KLF3: variants seen among roughly 807,000 people sequenced by gnomAD.
KLF3 encodes the protein Krueppel-like factor 3.
Under a neutral mutation model 32.7 loss-of-function variants are expected in KLF3, and 6 were observed. The observed-to-expected ratio is 0.18, with a 90% CI of 0.10 to 0.36. The LOEUF (loss-of-function observed/expected upper bound fraction) is 0.36, where lower values mean the gene tolerates loss of function less well. KLF3 is among the 10% of genes least tolerant of loss of function. The pLI, the probability that KLF3 is intolerant of heterozygous loss-of-function variation, is 1.00. For synonymous variants in KLF3, 145 were observed against 172.8 expected, an observed-to-expected ratio of 0.84 and a Z score of 1.26; for missense variants, 338 against 449.7, an observed-to-expected ratio of 0.75 and a Z score of 2.25.
At chr4:38,664,608 G>T (rs1721944673) in intron 1 of KLF3, 147 bp downstream of exon 1, 1 of 151,978 alleles carries the variant, frequency 6.6e-6, no homozygotes. Flanking sequence ...GCGCCTGCGG[G>T]CTTGGGAAAG....
chr4:38,686,165 C>G (rs1260047486), intron 2 of KLF3, among the ~76,000 whole-genome samples: 2 of 152,012 alleles, frequency 1.3e-5, no homozygotes, highest in African/African-American at 4.8e-5. Context: ...TGAAAACTGG[C>G]TGCGCGTGGT....
At chr4:38,668,465 C>T (rs539336464) in intron 1 of KLF3, among the ~76,000 whole-genome samples, 1 of 151,958 alleles carries the variant, frequency 6.6e-6, no homozygotes, top group African/African-American at 2.4e-5. Flanking sequence ...TCACATTCCA[C>T]CACATTCTTT....
intron 2 of KLF3, among the ~76,000 whole-genome samples, chr4:38,684,784 G>A (rs10019144): frequency 0.18 from 27,122 of 151,886 alleles, 2,521 homozygotes; most frequent in Non-Finnish European, 0.21. Flanking sequence ...TCAAACTCTC[G>A]GCCTTAAGAT....
chr4:38,678,261 T>C (rs1471146645), intron 1 of KLF3, among the ~76,000 whole-genome samples: 1 of 152,146 alleles, frequency 6.6e-6, no homozygotes, highest in Admixed American at 6.5e-5. Context: ...CATCTTTTGT[T>C]TATGGTCCAC....
chr4:38,677,878 A>AGTGTGTGTGTGTGTGTGT (rs56675939), intron 1 of KLF3, among the ~76,000 whole-genome samples: 4 of 146,314 alleles, frequency 2.7e-5, no homozygotes, highest in Admixed American at 1.4e-4. Context: ...GGGCAAAAGG[A>AGTGTGTGTGTGTGTGTGT]GTGTGTGTGT....
chr4:38,700,179 C>G lies in KLF3; in HGVS notation c.*2916C>G, dbSNP rs1723159004. The G allele has an allele frequency of 6.6e-6, 1 of 152,152 alleles. No individual in the cohort carries two copies. The highest frequency in any genetic ancestry group is 1.5e-5 in the Non-Finnish European group (1 of 68,020). The allele number at this position is 152,152 out of a possible 1,614,324, so 9.4% of individuals were successfully genotyped here. On this transcript the variant is annotated 3_prime_UTR_variant, in exon 6 of 6. Coordinates refer to ENST00000261438, the MANE Select transcript of KLF3 (RefSeq NM_016531.6). ...TTGCTTGGTTTGGAGAATGTGTTAG[C>G]AGCATAGCTATATTCAACTAGGGAG...
rs547830183 is a variant in KLF3, at chr4:38,689,036, C to T, written c.509C>T (p.Ser170Leu). ...HLQQPLMVSL[S>L]EEMENSSSSM... ...CAGCAGCCTCTCATGGTCTCCTTAT[C>T]GGAGGAGATGGAAAATTCCAGTAGT... Residue 170 changes from serine to leucine, a missense_variant, in exon 3 of 6, where the codon TCG becomes TTG. This residue lies in a region of KLF3 where 272 missense variants were observed against 313.4 expected (regional missense o/e 0.87). Transcript: ENST00000261438. The T allele has an allele frequency of 1.4e-5, 23 of 1,613,860 alleles. No homozygotes were observed. The highest frequency in any genetic ancestry group is 2.2e-5 in the East Asian group (1 of 44,870).
At chr4:38,685,739 T>C (rs887069855) in intron 2 of KLF3, among the ~76,000 whole-genome samples, 3 of 152,208 alleles carry the variant, frequency 2.0e-5, no homozygotes, top group Admixed American at 1.3e-4. Context: ...GAAACAATGC[T>C]GCCTCCCATT....
chr4:38,667,943 G>T (rs1722091612), intron 1 of KLF3, among the ~76,000 whole-genome samples: 1 of 151,562 alleles, frequency 6.6e-6, no homozygotes, highest in Admixed American at 6.6e-5. Context: ...TCTTTTTAAG[G>T]ACAAAGATTT....
intron 5 of KLF3, among the ~76,000 whole-genome samples, chr4:38,695,266 T>C (rs1175100665): frequency 6.6e-6 from 1 of 152,184 alleles, no homozygotes; most frequent in African/African-American, 2.4e-5. Context: ...GCATTGTAAA[T>C]TCATGAGAGC....
At chr4:38,675,474 T>C (rs898968483) in intron 1 of KLF3, among the ~76,000 whole-genome samples, 1 of 152,222 alleles carries the variant, frequency 6.6e-6, no homozygotes, top group Non-Finnish European at 1.5e-5. Context: ...GCTAATGTAT[T>C]TCTAAAGCTA....
chr4:38,679,402 CAT>C (rs1483166192), intron 1 of KLF3, among the ~76,000 whole-genome samples: 1 of 152,150 alleles, frequency 6.6e-6, no homozygotes, highest in Non-Finnish European at 1.5e-5. Context: ...AGTGATAACA[CAT>C]GTTGCTGGTG....
chr4:38,677,164 G>A (rs1381435555), intron 1 of KLF3, among the ~76,000 whole-genome samples: 2 of 151,912 alleles, frequency 1.3e-5, no homozygotes, highest in East Asian at 1.9e-4. Context: ...GTTTCACCAC[G>A]TCGGCAAGGC....
chr4:38,671,254 A>T lies in KLF3; in HGVS notation c.-40+6793A>T, dbSNP rs1377080628. Among the ~76,000 whole-genome samples the T allele has an allele frequency of 3.3e-5, 5 of 152,216 alleles. No homozygotes were observed. Among genetic ancestry groups the T allele is most frequent in the Non-Finnish European group, 7.3e-5 (5 of 68,034 alleles). The stretch of plus-strand genomic sequence containing the variant: ...CCATTTCCTCATTTCTAAAATGGGG[A>T]TGAGGACCTGACCCTTCCACCTTTG... On this transcript the variant is annotated intron_variant, in intron 1 of 5. Transcript: ENST00000261438. The surrounding 1 kb of genome is among the most constrained non-coding windows in gnomAD (Gnocchi z 4.4).
rs748087861 is a variant in KLF3 at position 38,694,810 on chromosome 4, CAAAG to C, written c.761_764del (p.Gln254ArgfsTer23). ...TTTACCTGTGGAATCCCCGGATACT[CAAAG>C]GAAGCGGAGGATACACAGATGTGAT... On this transcript the variant is annotated frameshift_variant, in exon 5 of 6. Transcript: ENST00000261438. LOFTEE classifies it high-confidence loss of function. The C allele has an allele frequency of 6.2e-7, 1 of 1,607,040 alleles. No individual in the cohort carries two copies. The highest frequency in any genetic ancestry group is 8.5e-7 in the Non-Finnish European group (1 of 1,177,666).
At chr4:38,680,454 TC>T (rs745995598) in intron 1 of KLF3, 132 bp from the exon 2 acceptor site, 83 of 469,090 alleles carry the variant, frequency 1.8e-4, no homozygotes, top group Middle Eastern at 5.9e-4. Flanking sequence ...CCTCAGGCGA[TC>T]CGTCTGCCTC....
intron 4 of KLF3, among the ~76,000 whole-genome samples, chr4:38,694,388 C>T (rs2109256899): frequency 6.6e-6 from 1 of 152,280 alleles, no homozygotes; most frequent in South Asian, 2.1e-4. Context: ...AGGAAAAGAG[C>T]CTCCCCAGCA....
At chr4:38,666,001 GACCTTAGGCTGTTAATAGAA>G (rs1400265018) in intron 1 of KLF3, among the ~76,000 whole-genome samples, 2 of 152,184 alleles carry the variant, frequency 1.3e-5, no homozygotes, top group African/African-American at 2.4e-5. Context: ...TATGTTAGTT[GACCTTAGGCTGTTAATAGAA>G]ACCTGAAATT....
At chr4:38,665,652 A>T (rs1237521972) in intron 1 of KLF3, among the ~76,000 whole-genome samples, 1 of 152,208 alleles carries the variant, frequency 6.6e-6, no homozygotes, top group African/African-American at 2.4e-5. Flanking sequence ...TTTTAAATAT[A>T]TTGATTATAT....
Sources: allele counts gnomAD v4.1 joint callset (sites outside exome capture counted in the v4.1 genomes callset), GRCh38; gene constraint gnomAD v4.1.1; regional missense constraint gnomAD v4.1.1; non-coding constraint Gnocchi (gnomAD v3.1); transcripts MANE v1.5; gene names NCBI Gene and HGNC (gene_info 2026-07-23, HGNC 2026-07-21).